Variants in STAC observed in about 807,000 individuals in gnomAD.
STAC encodes SH3 and cysteine rich domain, also known as SH3 and cysteine-rich domain-containing protein.
STAC carries 43 observed loss-of-function variants against 48.8 expected under a neutral mutation model. The observed-to-expected ratio is 0.88, with a 90% confidence interval of 0.69 to 1.14. The LOEUF (loss-of-function observed/expected upper bound fraction) is 1.14. Ranked by LOEUF, STAC falls within the 50% of genes most tolerant of loss-of-function variation. STAC has a pLI of 0.00. For missense variants in STAC, 497 were observed against 504.0 expected (o/e 0.99, Z 0.13); for synonymous variants, 193 against 179.5 (o/e 1.07, Z -0.60).
intron 2 of STAC, among the ~76,000 whole-genome samples, chr3:36,471,835 G>A (rs528955103): frequency 6.6e-6 from 1 of 152,176 alleles, no homozygotes; most frequent in African/African-American, 2.4e-5. Flanking sequence ...TTCATAGGCT[G>A]GCATTCAGTG....
At chr3:36,491,812 G>C (rs561849175) in intron 5 of STAC, among the ~76,000 whole-genome samples, 1 of 150,738 alleles carries the variant, frequency 6.6e-6, no homozygotes, top group South Asian at 2.1e-4. Flanking sequence ...TCAGGAGTTC[G>C]AGATAAGCCT....
chr3:36,404,369 G>A (rs1700052530), intron 1 of STAC, among the ~76,000 whole-genome samples: 1 of 152,140 alleles, frequency 6.6e-6, no homozygotes, highest in African/African-American at 2.4e-5. Context: ...CTCTTCCCGT[G>A]TAGTATTGGG....
At chr3:36,392,496 T>C (rs1304603539) in intron 1 of STAC, among the ~76,000 whole-genome samples, 3 of 152,056 alleles carry the variant, frequency 2.0e-5, no homozygotes, top group Non-Finnish European at 4.4e-5. Context: ...CATACAATCA[T>C]GCCCAGCTAA....
intron 1 of STAC, among the ~76,000 whole-genome samples, chr3:36,406,450 G>A (rs966461037): frequency 8.5e-5 from 13 of 152,182 alleles, no homozygotes; most frequent in Non-Finnish European, 1.9e-4. Flanking sequence ...GTGCCTCCAA[G>A]GAAAGGACAT....
chr3:36,412,677 C>T (rs2125636208), intron 1 of STAC, among the ~76,000 whole-genome samples: 1 of 152,280 alleles, frequency 6.6e-6, no homozygotes, highest in South Asian at 2.1e-4. Flanking sequence ...ATCCAATTAT[C>T]CTAAACCATT....
intron 8 of STAC, among the ~76,000 whole-genome samples, chr3:36,508,064 T>A (rs967118342): frequency 6.6e-6 from 1 of 152,230 alleles, no homozygotes; most frequent in African/African-American, 2.4e-5. Flanking sequence ...TTTAGTGCTA[T>A]ATATTTCCCT....
At chr3:36,423,169 G>A (rs1467150299) in intron 1 of STAC, among the ~76,000 whole-genome samples, 2 of 152,068 alleles carry the variant, frequency 1.3e-5, no homozygotes, top group African/African-American at 2.4e-5. Context: ...AAGAGAGAAT[G>A]AAGTAGGCAT....
chr3:36,514,028 C>T (rs374866747), intron 8 of STAC, among the ~76,000 whole-genome samples: 1 of 151,976 alleles, frequency 6.6e-6, no homozygotes, highest in South Asian at 2.1e-4. Flanking sequence ...TGCTTCCTGA[C>T]TTGTAAAAGG....
rs552254263 is a variant in STAC at position 36,530,957 on chromosome 3, A to C, written c.1110+1972A>C. Among the ~76,000 whole-genome samples the C allele has an allele frequency of 2.0e-5, 3 of 152,324 alleles. No homozygotes were observed. In the South Asian group the frequency reaches 6.2e-4, roughly 32 times the overall value. On this transcript the variant is annotated intron_variant, in intron 10 of 10. Coordinates refer to ENST00000273183, the MANE Select transcript of STAC (RefSeq NM_003149.3). ...CTTTAAAAGGAAAAATCTAAAGAAA[A>C]ATGATAATATGGAGGACAGCTTTTT...
At chr3:36,436,341 C>A (rs73065719) in intron 1 of STAC, among the ~76,000 whole-genome samples, 3,540 of 152,198 alleles carry the variant, frequency 0.023, 61 homozygotes, top group East Asian at 0.026. Context: ...CTAGAGTGAC[C>A]CTTTTAAATA....
chr3:36,400,524 C>T (rs886080932), intron 1 of STAC, among the ~76,000 whole-genome samples: 5 of 152,128 alleles, frequency 3.3e-5, no homozygotes, highest in African/African-American at 1.2e-4. Flanking sequence ...TAGACCTATA[C>T]GCTGGGTTGG....
chr3:36,528,573 A>T, intron 8 of STAC, 123 bp from the exon 9 acceptor site: 1 of 803,390 alleles, frequency 1.2e-6, no homozygotes, highest in Non-Finnish European at 1.9e-6. Context: ...TAAAAGTTAT[A>T]TTTACTTTAT....
At chr3:36,465,001 A>G (rs1276687991) in intron 2 of STAC, among the ~76,000 whole-genome samples, 1 of 152,158 alleles carries the variant, frequency 6.6e-6, no homozygotes, top group East Asian at 1.9e-4. Context: ...TTGCTGAATC[A>G]AGCAGTACAT....
At chr3:36,473,355 A>G (rs1697395090) in intron 2 of STAC, among the ~76,000 whole-genome samples, 1 of 152,188 alleles carries the variant, frequency 6.6e-6, no homozygotes, top group South Asian at 2.1e-4. Flanking sequence ...CAGGTGACAT[A>G]CCTGAGTTAG....
At chr3:36,451,271 T>C (rs1208735390) in intron 2 of STAC, among the ~76,000 whole-genome samples, 6 of 152,212 alleles carry the variant, frequency 3.9e-5, no homozygotes, top group Admixed American at 3.9e-4. Context: ...ATTCTACATT[T>C]CTCAAATTAT....
intron 2 of STAC, among the ~76,000 whole-genome samples, chr3:36,447,873 G>A (rs951178679): frequency 2.0e-5 from 3 of 152,156 alleles, no homozygotes; most frequent in African/African-American, 7.2e-5. Context: ...TGTACAGCTT[G>A]TAAATAATAA....
chr3:36,430,842 C>T (rs901902542), intron 1 of STAC, among the ~76,000 whole-genome samples: 1 of 152,180 alleles, frequency 6.6e-6, no homozygotes, highest in African/African-American at 2.4e-5. Context: ...GTCCAAATTT[C>T]CTCTTCTTAC....
chr3:36,472,030 A>G (rs1248541714), intron 2 of STAC, among the ~76,000 whole-genome samples: 2 of 152,190 alleles, frequency 1.3e-5, no homozygotes, highest in Non-Finnish European at 2.9e-5. Context: ...GAGGTTCTCC[A>G]TAAGGGCCCC....
chr3:36,523,570 T>C (rs1271316998), intron 8 of STAC, among the ~76,000 whole-genome samples: 1 of 152,214 alleles, frequency 6.6e-6, no homozygotes, highest in Non-Finnish European at 1.5e-5. Context: ...AGACGTAATG[T>C]ATCAAGAACA....
Sources: allele counts gnomAD v4.1 joint callset (sites outside exome capture counted in the v4.1 genomes callset), GRCh38; gene constraint gnomAD v4.1.1; transcripts MANE v1.5; gene names NCBI Gene and HGNC (gene_info 2026-07-23, HGNC 2026-07-21).